Variants in CDKN2A observed in about 807,000 individuals in gnomAD.
CDKN2A encodes cyclin-dependent kinase inhibitor 2A.
CDKN2A carries 3 observed loss-of-function variants against 11.1 expected under a neutral mutation model. That is an observed-to-expected ratio of 0.27 (90% CI 0.12 to 0.70). The LOEUF (loss-of-function observed/expected upper bound fraction) is 0.70, where lower values mean the gene tolerates loss of function less well. Among genes scored for constraint, CDKN2A ranks in the 30% least tolerant of loss-of-function variants. The probability of loss-of-function intolerance (pLI) is 0.77; values close to 1 mark genes in which losing one functional copy is unlikely to be tolerated. For missense variants in CDKN2A, 265 were observed against 233.6 expected (o/e 1.13, Z -0.88); for synonymous variants, 122 against 108.1 (o/e 1.13, Z -0.80).
At chr9:21,973,817 A>T (rs1420776943) in intron 1 of CDKN2A, among the ~76,000 whole-genome samples, 1 of 152,164 alleles carries the variant, frequency 6.6e-6, no homozygotes. Context: ...CAGCAAACAT[A>T]TATTTATTTG....
At chr9:21,970,679 C>T in intron 2 of CDKN2A, 2 of 637,436 alleles carry the variant, frequency 3.1e-6, no homozygotes, top group Non-Finnish European at 5.6e-6. Flanking sequence ...GTATAATGTA[C>T]AAAATGGGCT....
chr9:21,972,537 C>G (rs1214586281), intron 1 of CDKN2A, among the ~76,000 whole-genome samples: 1 of 152,094 alleles, frequency 6.6e-6, no homozygotes, highest in East Asian at 1.9e-4. Context: ...TTAGAGTTTC[C>G]AAAAGGAATG....
At chr9:21,992,248 T>C (rs749177969) in intron 2 of CDKN2A, 1 of 944,888 alleles carries the variant, frequency 1.1e-6, no homozygotes, top group Non-Finnish European at 1.3e-6. Context: ...ATAATTAGTA[T>C]CCATATATAT....
At chr9:21,975,176 C>T (rs183227541), upstream of CDKN2A, 6 of 1,147,926 alleles carry the variant, frequency 5.2e-6, no homozygotes, top group African/African-American at 9.6e-5. Flanking sequence ...GGCTCCTCCC[C>T]ACCTGCCCCC....
upstream of CDKN2A, among the ~76,000 whole-genome samples, chr9:21,977,969 T>G (rs1820080455): frequency 6.6e-6 from 1 of 151,918 alleles, no homozygotes; most frequent in Admixed American, 6.6e-5. Flanking sequence ...TATAAACAGG[T>G]GTAAAAGTTG....
At chr9:21,971,575 ATTT>A (rs59981968) in intron 1 of CDKN2A, among the ~76,000 whole-genome samples, 10 of 111,394 alleles carry the variant, frequency 9.0e-5, no homozygotes, top group Admixed American at 3.1e-4. Context: ...AGGCCTGGAG[ATTT>A]TTTTTTTTTT....
At chr9:21,987,434 G>C (rs12376353) in intron 2 of CDKN2A, among the ~76,000 whole-genome samples, 84,932 of 110,796 alleles carry the variant, frequency 0.77, 30,297 homozygotes, top group Admixed American at 0.79. Context: ...CACACACACA[G>C]AGAGAGAGAG....
In CDKN2A at chr9:21,991,634, ACT is replaced by A; in HGVS notation, c.-4+2246_-4+2247del. 1 of 983,182 alleles carries A rather than the reference ACT, an allele frequency of 1.0e-6. No individual in the cohort carries two copies. The highest frequency in any genetic ancestry group is 1.2e-6 in the Non-Finnish European group (1 of 827,882). 60.9% of individuals were successfully genotyped at this position (983,182 alleles called of 1,614,324 possible). On this transcript the variant is annotated intron_variant, in intron 2 of 3. Coordinates refer to the CDKN2A transcript ENST00000494262. This position sits in a 1 kb window ranked among gnomAD's most constrained non-coding sequence, Gnocchi z 5.2. Reference sequence around the variant, plus strand: ...TATGTTGGGAAAATGGTTTAGCTTAACTCTATCATGGTAGTTGATAGTGATGA... The same window carrying A: ...TATGTTGGGAAAATGGTTTAGCTTAACTATCATGGTAGTTGATAGTGATGA...
At chr9:21,990,593 C>A (rs893188669) in intron 2 of CDKN2A, among the ~76,000 whole-genome samples, 10 of 75,360 alleles carry the variant, frequency 1.3e-4, no homozygotes, top group Non-Finnish European at 1.9e-4. Flanking sequence ...CCTGCGGAAA[C>A]CATTATAACT....
chr9:21,976,104 C>T (rs1274628718), upstream of CDKN2A, among the ~76,000 whole-genome samples: 2 of 152,078 alleles, frequency 1.3e-5, no homozygotes, highest in Non-Finnish European at 2.9e-5. Flanking sequence ...TGGAGCAGGA[C>T]GCGGTGGCTC....
At chr9:21,990,197 G>A (rs765704965) in intron 2 of CDKN2A, among the ~76,000 whole-genome samples, 18 of 152,118 alleles carry the variant, frequency 1.2e-4, no homozygotes, top group Non-Finnish European at 2.6e-4. Flanking sequence ...CAAGAAGGGC[G>A]CCAAGTGCTG....
intron 1 of CDKN2A, chr9:21,994,611 G>C: frequency 1.7e-6 from 1 of 579,432 alleles, no homozygotes; most frequent in East Asian, 3.8e-5. Context: ...GGCGCCCGTA[G>C]GGAGGCGCGC....
At chr9:21,994,115 G>A (rs1820523727) in intron 1 of CDKN2A, 2 of 1,597,422 alleles carry the variant, frequency 1.3e-6, no homozygotes, top group Non-Finnish European at 1.7e-6. Flanking sequence ...AATGCGCCCC[G>A]GACTTTTCGA....
At chr9:21,979,670 G>T (rs1820128715), upstream of CDKN2A, among the ~76,000 whole-genome samples, 1 of 152,190 alleles carries the variant, frequency 6.6e-6, no homozygotes, top group African/African-American at 2.4e-5. Flanking sequence ...GTGAAAATAA[G>T]ATGGTCGGTT....
intron 2 of CDKN2A, among the ~76,000 whole-genome samples, chr9:21,993,609 T>C (rs1476481669): frequency 3.9e-5 from 6 of 152,158 alleles, no homozygotes; most frequent in Non-Finnish European, 4.4e-5. Flanking sequence ...CCTACGATCC[T>C]TGTTAGCATT....
At chr9:21,975,032 C>T (rs1819981653), upstream of CDKN2A, 1 of 1,377,414 alleles carries the variant, frequency 7.3e-7, no homozygotes. Flanking sequence ...AGCGAGTGCT[C>T]GGAGGAGGTG....
intron 2 of CDKN2A, among the ~76,000 whole-genome samples, chr9:21,983,574 G>A (rs561319427): frequency 3.7e-4 from 57 of 152,150 alleles, no homozygotes; most frequent in African/African-American, 1.2e-3. Flanking sequence ...TCAAAGGGTA[G>A]AAGGCTCTTG....
chr9:21,971,254 T>C, intron 1 of CDKN2A, 46 bp from the exon 2 acceptor site: 1 of 1,575,436 alleles, frequency 6.3e-7, no homozygotes, highest in East Asian at 2.3e-5. Flanking sequence ...GGGGCCGGCA[T>C]GACGGAAAGG....
At chr9:21,976,864 A>C (rs1283052120), upstream of CDKN2A, among the ~76,000 whole-genome samples, 1 of 152,246 alleles carries the variant, frequency 6.6e-6, no homozygotes, top group Admixed American at 6.5e-5. Flanking sequence ...TAAAAGTTCT[A>C]ATTTTTCCTG....
Sources: gnomAD v4.1 joint callset for allele counts (sites outside exome capture counted in the v4.1 genomes callset) on GRCh38, gnomAD v4.1.1 for gene constraint, Gnocchi (gnomAD v3.1) non-coding constraint, MANE v1.5 for transcripts, NCBI Gene and HGNC (gene_info 2026-07-23, HGNC 2026-07-21) for gene names.